The following RIPOR2 variants were observed in gnomAD, a reference collection of about 807,000 sequenced individuals.
RIPOR2 encodes the protein rho family-interacting cell polarization regulator 2.
RIPOR2 carries 39 observed loss-of-function variants against 114.5 expected under a neutral mutation model. The ratio of observed to expected loss-of-function variants is 0.34; its 90% CI spans 0.26 to 0.44. RIPOR2 has a LOEUF of 0.44. RIPOR2 is among the 20% of genes least tolerant of loss of function. The pLI is 1.00. For synonymous variants in RIPOR2, 445 were observed against 484.4 expected, an observed-to-expected ratio of 0.92 and a Z score of 1.07; for missense variants, 1,007 against 1,255.1, an observed-to-expected ratio of 0.80 and a Z score of 2.99.
Position 24,870,855 on chromosome 6 carries a change from T to C in RIPOR2, c.447+11A>G. 6.2e-7 allele frequency: 1 copy of C among 1,603,010 alleles called. No individual in the cohort carries two copies. Among genetic ancestry groups the C allele is most frequent in the South Asian group, 1.1e-5 (1 of 89,846 alleles). On this transcript the variant is annotated intron_variant, in intron 5 of 21. Transcript: ENST00000643898. ...TTCTTATTAGCACCCCAACACGGAA[T>C]GGCAACTTACCTTGTCTAGGTCATA...
At chr6:24,848,828 T>C (rs952329985) in intron 11 of RIPOR2, among the ~76,000 whole-genome samples, 12 of 152,234 alleles carry the variant, frequency 7.9e-5, no homozygotes, top group Non-Finnish European at 1.6e-4. Context: ...AATGAGACCC[T>C]GAGCATGAAT....
At chr6:24,873,960 A>G (rs1765465100) in intron 2 of RIPOR2, among the ~76,000 whole-genome samples, 161 bp from the exon 3 acceptor site, 1 of 152,146 alleles carries the variant, frequency 6.6e-6, no homozygotes, top group African/African-American at 2.4e-5. Flanking sequence ...TGCAGCCTTG[A>G]ACTCCTGGAC....
At chr6:24,819,117 G>T (rs1759436943) in intron 19 of RIPOR2, among the ~76,000 whole-genome samples, 1 of 151,876 alleles carries the variant, frequency 6.6e-6, no homozygotes, top group African/African-American at 2.4e-5. Context: ...AGAATATAAG[G>T]GATCAATTTA....
intron 1 of RIPOR2, among the ~76,000 whole-genome samples, chr6:24,908,227 ACTTTCACTTCTATCACCACTTC>A (rs1769187343): frequency 6.6e-6 from 1 of 152,206 alleles, no homozygotes; most frequent in Non-Finnish European, 1.5e-5. Flanking sequence ...AATAAAACGG[ACTTTCACTTCTATCACCACTTC>A]CTCCCAAGAA....
chr6:25,028,707 A>G (rs1425331700), intron 1 of RIPOR2, among the ~76,000 whole-genome samples: 2 of 152,232 alleles, frequency 1.3e-5, no homozygotes, highest in Non-Finnish European at 2.9e-5. Flanking sequence ...GATAGTACAG[A>G]TCCTTCTAGC....
chr6:24,946,213 G>T (rs1189027784), intron 1 of RIPOR2, among the ~76,000 whole-genome samples: 3 of 151,732 alleles, frequency 2.0e-5, no homozygotes, highest in African/African-American at 4.8e-5. Context: ...CTCCCAAATA[G>T]CTGGGATTAC....
intron 12 of RIPOR2, among the ~76,000 whole-genome samples, chr6:24,844,274 G>A (rs1186671707): frequency 6.6e-6 from 1 of 152,170 alleles, no homozygotes; most frequent in Non-Finnish European, 1.5e-5. Context: ...GGTACGCCCT[G>A]TGCTTCATGA....
chr6:24,877,872 G>T (rs1043793129), intron 1 of RIPOR2, among the ~76,000 whole-genome samples: 2 of 152,070 alleles, frequency 1.3e-5, no homozygotes, highest in Non-Finnish European at 2.9e-5. Context: ...AGAGAGTAGG[G>T]GTATGAGCCA....
chr6:24,966,600 G>C (rs1773539853), intron 1 of RIPOR2, among the ~76,000 whole-genome samples: 1 of 152,170 alleles, frequency 6.6e-6, no homozygotes, highest in Admixed American at 6.5e-5. Flanking sequence ...GCAACCAGGA[G>C]GTTTTCATTC....
At chr6:24,998,212 T>C (rs1485287787) in intron 1 of RIPOR2, among the ~76,000 whole-genome samples, 15 of 152,276 alleles carry the variant, frequency 9.9e-5, no homozygotes, top group African/African-American at 3.6e-4. Context: ...AACGGTCTCC[T>C]CTGCAATTTA....
At chr6:24,830,430 C>A in intron 17 of RIPOR2, 79 bp downstream of exon 17, 3 of 1,194,824 alleles carry the variant, frequency 2.5e-6, no homozygotes, top group South Asian at 2.9e-5. Context: ...GGTAGGAGGA[C>A]CCCTCTCCCC....
rs756746744 is a variant in RIPOR2 at position 25,017,230 on chromosome 6, G to A, written c.76+24621C>T. 5.3e-5 allele frequency among the ~76,000 whole-genome samples: 8 copies of A among 152,302 alleles called. No homozygotes were observed. The East Asian group carries it at 7.7e-4, about 15-fold the overall frequency. ...CCCGTTACTTGGGAGGCTGAGGCAC[G>A]AAAATCACTTGAACCCAGGAGGCAA... On this transcript the variant is annotated intron_variant, in intron 1 of 13. Coordinates refer to the RIPOR2 transcript ENST00000510784.
chr6:24,959,620 A>G (rs1773211355), intron 1 of RIPOR2, among the ~76,000 whole-genome samples: 1 of 152,216 alleles, frequency 6.6e-6, no homozygotes, highest in Admixed American at 6.5e-5. Context: ...AACACACATT[A>G]GATAAATGCT....
At chr6:24,939,683 G>C (rs1008152537), upstream of RIPOR2, among the ~76,000 whole-genome samples, 1 of 152,224 alleles carries the variant, frequency 6.6e-6, no homozygotes, top group Non-Finnish European at 1.5e-5. Context: ...GTCACAGAGA[G>C]TAGTTTTCAC....
chr6:24,894,448 C>T (rs2113983269), intron 1 of RIPOR2, among the ~76,000 whole-genome samples: 2 of 152,344 alleles, frequency 1.3e-5, no homozygotes, highest in Middle Eastern at 6.8e-3. Context: ...GGTCTTGTTA[C>T]TACTTATCTC....
intron 20 of RIPOR2, among the ~76,000 whole-genome samples, chr6:24,811,423 G>C (rs921470627): frequency 2.7e-5 from 4 of 150,624 alleles, no homozygotes; most frequent in African/African-American, 9.8e-5. Flanking sequence ...TTTTAGTAGA[G>C]ACGGGGTTTC....
intron 1 of RIPOR2, among the ~76,000 whole-genome samples, chr6:25,002,335 G>A (rs551464455): frequency 2.7e-4 from 41 of 152,244 alleles, no homozygotes; most frequent in Middle Eastern, 3.4e-3. Context: ...CCTCCAACTC[G>A]TAGACTCTAC....
At chr6:25,014,772 G>T (rs1775899237) in intron 1 of RIPOR2, among the ~76,000 whole-genome samples, 1 of 152,228 alleles carries the variant, frequency 6.6e-6, no homozygotes, top group South Asian at 2.1e-4. Context: ...ATCGAAAGTT[G>T]TGTGTAACAT....
At chr6:24,961,314 G>C (rs1480076711) in intron 1 of RIPOR2, among the ~76,000 whole-genome samples, 1 of 152,144 alleles carries the variant, frequency 6.6e-6, no homozygotes, top group African/African-American at 2.4e-5. Context: ...TCCAGGTTGG[G>C]GGAACATTGT....
Sources: gnomAD v4.1 joint callset for allele counts (sites outside exome capture counted in the v4.1 genomes callset) on GRCh38, gnomAD v4.1.1 for gene constraint, MANE v1.5 for transcripts, NCBI Gene and HGNC (gene_info 2026-07-23, HGNC 2026-07-21) for gene names.